The following RIOK3 variants were observed in gnomAD, a reference collection of about 807,000 sequenced individuals.
RIOK3 encodes serine/threonine-protein kinase RIO3.
A neutral mutation model predicts 63.5 loss-of-function variants in RIOK3; 40 were observed. The ratio of observed to expected loss-of-function variants is 0.63; its 90% CI spans 0.49 to 0.82. The LOEUF is 0.82. Among genes scored for constraint, RIOK3 ranks in the 40% least tolerant of loss-of-function variants. The pLI is 0.00. For synonymous variants in RIOK3, 193 were observed against 205.0 expected, an observed-to-expected ratio of 0.94 and a Z score of 0.50; for missense variants, 557 against 637.0, an observed-to-expected ratio of 0.87 and a Z score of 1.35.
Position 23,464,315 on chromosome 18 carries a change from T to A in RIOK3, c.433+2T>A. The stretch of plus-strand genomic sequence containing the variant: ...CTCGTGATGATCCCTACAGACCAGG[T>A]ACCAAAGTTTTTACTTTCTGGGGGC... On this transcript the variant is annotated splice_donor_variant, in intron 4 of 12. Transcript: ENST00000339486. LOFTEE classifies it high-confidence loss of function. The A allele has an allele frequency of 6.2e-7, 1 of 1,605,988 alleles. No homozygotes were observed. The highest frequency in any genetic ancestry group is 8.5e-7 in the Non-Finnish European group (1 of 1,174,722).
Position 23,464,255 on chromosome 18 carries a change from C to T in RIOK3, c.375C>T (p.Ser125=), listed in dbSNP as rs774587933. The change falls in exon 4 of 13, where the codon AGC becomes AGT. Residue 125 remains serine (S), a synonymous_variant. Coordinates refer to ENST00000339486, the MANE Select transcript of RIOK3 (RefSeq NM_003831.5). ...GAAAAGTGCATCCTTATGAAGACAGCGATAGCTCTGAAGATGAGGTTGACT... is the reference window on the plus strand; with the variant it reads ...GAAAAGTGCATCCTTATGAAGACAGTGATAGCTCTGAAGATGAGGTTGACT... ...NYRKVHPYED[S]DSSEDEVDWQ... 14 of 1,614,044 alleles carry T rather than the reference C, an allele frequency of 8.7e-6. No individual in the cohort carries two copies. The highest frequency in any genetic ancestry group is 3.3e-5 in the South Asian group (3 of 91,088).
At chr18:23,454,561 G>A (rs1041361936) in intron 1 of RIOK3, among the ~76,000 whole-genome samples, 1 of 152,230 alleles carries the variant, frequency 6.6e-6, no homozygotes, top group African/African-American at 2.4e-5. Flanking sequence ...AGACAGACTA[G>A]TATTATGAAT....
In RIOK3 at chr18:23,453,478, G is replaced by C. The variant is rs1391500076; in HGVS notation, c.39G>C (p.Thr13=). ...LVGVASPEPG[T]AAAWGPSKCP... ...GAGTGGCATCGCCTGAGCCCGGGAC[G>C]GCAGCGGCCTGGGGACCCAGCAAGG... Residue 13 remains threonine (T), a synonymous_variant, in exon 1 of 13, where the codon ACG becomes ACC. Transcript: ENST00000339486. 3.1e-6 allele frequency: 5 copies of C among 1,613,660 alleles called. No homozygotes were observed. The highest frequency in any genetic ancestry group is 1.7e-5 in the Admixed American group (1 of 60,014).
At chr18:23,475,191 C>T in intron 9 of RIOK3, 84 bp downstream of exon 9, 1 of 1,107,374 alleles carries the variant, frequency 9.0e-7, no homozygotes, top group African/African-American at 1.6e-5. Flanking sequence ...TTAAAGAAGC[C>T]AGGCATGTTG....
chr18:23,480,555 G>GCACA (rs59552026), intron 12 of RIOK3, among the ~76,000 whole-genome samples: 2,331 of 141,984 alleles, frequency 0.016, 31 homozygotes, highest in East Asian at 0.041. Context: ...TTGGATGCAC[G>GCACA]CACACACACA....
At chr18:23,457,093 G>T (rs1394322718) in intron 1 of RIOK3, among the ~76,000 whole-genome samples, 1 of 152,126 alleles carries the variant, frequency 6.6e-6, no homozygotes, top group Non-Finnish European at 1.5e-5. Flanking sequence ...GAGTTAAAAA[G>T]ACAAATAATG....
intron 8 of RIOK3, among the ~76,000 whole-genome samples, chr18:23,473,829 C>A (rs2057472315): frequency 6.6e-6 from 1 of 152,142 alleles, no homozygotes; most frequent in Admixed American, 6.5e-5. Context: ...GCATTTTCTG[C>A]CTTAGACACT....
At chr18:23,468,562 C>G (rs1415959185) in intron 7 of RIOK3, among the ~76,000 whole-genome samples, 1 of 152,084 alleles carries the variant, frequency 6.6e-6, no homozygotes, top group Non-Finnish European at 1.5e-5. Flanking sequence ...CTTGGCCTCC[C>G]AAAGTGCCAA....
intron 1 of RIOK3, among the ~76,000 whole-genome samples, chr18:23,454,423 C>CAGCT (rs2057324766): frequency 2.0e-5 from 3 of 152,202 alleles, no homozygotes; most frequent in African/African-American, 4.8e-5. Flanking sequence ...AGTTCTCGTA[C>CAGCT]AGCTGTTGGA....
At position 23,473,559 on chromosome 18, in the gene RIOK3, T is replaced by C. The variant is rs1205511468; in HGVS notation, c.946T>C (p.Phe316Leu). ...AGATGATTTCAGGTTTAAAGATCGC[T>C]TCAGTAAACTAAATCCACGTAAGAT... ...IKDDFRFKDR[F>L]SKLNPRKIIR... Residue 316 changes from phenylalanine (F) to leucine (L), a missense_variant, in exon 8 of 13, where the codon TTC (phenylalanine) becomes CTC (leucine). Physicochemically the swap from Phe to Leu is conservative, Grantham distance 22. This residue lies in a region of RIOK3 where 309 missense variants were observed against 338.7 expected (regional missense o/e 0.91). Transcript: ENST00000339486. The C allele has an allele frequency of 6.2e-7, 1 of 1,613,578 alleles. No homozygotes were observed. The highest frequency in any genetic ancestry group is 1.7e-5 in the Admixed American group (1 of 59,970).
intron 9 of RIOK3, among the ~76,000 whole-genome samples, chr18:23,475,941 CTTTTT>C (rs374984418): frequency 7.5e-5 from 6 of 80,022 alleles, no homozygotes; most frequent in African/African-American, 9.3e-5. Flanking sequence ...TTTTTTGGGG[CTTTTT>C]TTTTTTTTTT....
intron 2 of RIOK3, 49 bp downstream of exon 2, chr18:23,463,128 T>C: frequency 2.4e-6 from 3 of 1,241,642 alleles, no homozygotes; most frequent in Non-Finnish European, 3.5e-6. Context: ...AGCAGAGTTT[T>C]AGGATTTGAT....
intron 7 of RIOK3, among the ~76,000 whole-genome samples, chr18:23,469,358 C>CCCTCT (rs1568384402): frequency 2.0e-4 from 1 of 4,958 alleles, no homozygotes; most frequent in African/African-American, 8.9e-4. Flanking sequence ...CCCCTCTCTC[C>CCCTCT]CTCCCTCCCT....
rs376929343 is a variant in RIOK3 at position 23,469,304 on chromosome 18, C to CCTCT, written c.815+1808_815+1811dup. Among the ~76,000 whole-genome samples, 35 of 19,406 alleles carry CCTCT rather than the reference C, an allele frequency of 1.8e-3. 3 individuals are homozygous for CCTCT. Among genetic ancestry groups the CCTCT allele is most frequent in the African/African-American group, 5.6e-3 (31 of 5,494 alleles). 12.7% of individuals were successfully genotyped at this position (19,406 alleles called of 152,430 possible). ...CAAAGCTCTGGTTCCTTTCTTTCTT[C>CCTCT]CTCTCTCTCTCTCTCTCTCTCTCTC... On this transcript the variant is annotated intron_variant, in intron 7 of 12. Coordinates refer to ENST00000339486, the MANE Select transcript of RIOK3 (RefSeq NM_003831.5).
intron 1 of RIOK3, chr18:23,456,593 T>A (rs2057342840): frequency 6.6e-6 from 1 of 152,136 alleles, no homozygotes; most frequent in South Asian, 2.1e-4. Flanking sequence ...GAGATCTTAC[T>A]GTGTTGCTCA....
At chr18:23,466,396 C>A in intron 6 of RIOK3, 120 bp downstream of exon 6, 2 of 819,778 alleles carry the variant, frequency 2.4e-6, no homozygotes, top group Non-Finnish European at 3.6e-6. Context: ...CTTTTTAAAT[C>A]AAAGATGTAA....
At chr18:23,478,821 G>T (rs1019400857) in intron 11 of RIOK3, among the ~76,000 whole-genome samples, 1 of 151,926 alleles carries the variant, frequency 6.6e-6, no homozygotes, top group Non-Finnish European at 1.5e-5. Flanking sequence ...AATTTCTGGG[G>T]TTTAGTGAAA....
chr18:23,461,219 C>T (rs111758714), intron 1 of RIOK3, among the ~76,000 whole-genome samples: 1 of 152,218 alleles, frequency 6.6e-6, no homozygotes, highest in African/African-American at 2.4e-5. Flanking sequence ...AGGGCCTATA[C>T]TGGCTGAACT....
chr18:23,461,455 T>G (rs1221346825), intron 1 of RIOK3, among the ~76,000 whole-genome samples: 6 of 152,164 alleles, frequency 3.9e-5, no homozygotes, highest in Admixed American at 3.9e-4. Context: ...AGCAGAAAGA[T>G]TCGTTAGGAT....
Sources: gnomAD v4.1 joint callset for allele counts (sites outside exome capture counted in the v4.1 genomes callset) on GRCh38, gnomAD v4.1.1 for gene constraint, gnomAD v4.1.1 regional missense constraint, MANE v1.5 for transcripts, NCBI Gene and HGNC (gene_info 2026-07-23, HGNC 2026-07-21) for gene names.